The following GRID2 variants were observed in gnomAD, a reference collection of about 807,000 sequenced individuals.
GRID2 encodes glutamate receptor ionotropic, delta-2.
A neutral mutation model predicts 114.8 loss-of-function variants in GRID2; 33 were observed. The ratio of observed to expected loss-of-function variants is 0.29; its 90% confidence interval spans 0.22 to 0.38. The LOEUF (loss-of-function observed/expected upper bound fraction) is 0.38. GRID2 is among the 10% of genes least tolerant of loss of function. GRID2 has a pLI of 1.00. For synonymous variants in GRID2, 505 were observed against 449.9 expected (o/e 1.12, Z -1.55); for missense variants, 1,184 against 1,257.7 (o/e 0.94, Z 0.89).
chr4:92,752,090 A>G (rs889528689), intron 2 of GRID2, among the ~76,000 whole-genome samples: 1 of 152,208 alleles, frequency 6.6e-6, no homozygotes, highest in South Asian at 2.1e-4. Context: ...GCTGTAAACA[A>G]TATTCGTTCT....
Position 92,721,683 on chromosome 4 carries a change from G to A in GRID2, c.244+131397G>A, listed in dbSNP as rs11097348. On this transcript the variant is annotated intron_variant, in intron 2 of 15. Coordinates refer to ENST00000282020, the MANE Select transcript of GRID2 (RefSeq NM_001510.4). ...AATTGAAAATTATAGCATGTCCTCTGTAAGAATACCTTTTTCTGTAAATAT... is the reference window on the plus strand; with the variant it reads ...AATTGAAAATTATAGCATGTCCTCTATAAGAATACCTTTTTCTGTAAATAT... Among the ~76,000 whole-genome samples the A allele has an allele frequency of 7.3e-4, 111 of 152,200 alleles. No homozygotes were observed. The East Asian group carries it at 0.02, about 27-fold the overall frequency.
intron 1 of GRID2, among the ~76,000 whole-genome samples, chr4:93,804,884 A>G (rs80352325): frequency 0.02 from 3,062 of 152,228 alleles, 100 homozygotes; most frequent in East Asian, 0.13. Context: ...ATTAGTCTTC[A>G]TTGTTTAACT....
At chr4:93,446,390 A>G (rs1722093740) in intron 10 of GRID2, among the ~76,000 whole-genome samples, 1 of 152,044 alleles carries the variant, frequency 6.6e-6, no homozygotes, top group Non-Finnish European at 1.5e-5. Flanking sequence ...TGAACAGTAC[A>G]TTGCAAAGGG....
chr4:93,373,802 C>A lies in GRID2; in HGVS notation c.1246-21805C>A, dbSNP rs111413590. ...GAACTGGGAAAATGGTCACTGAAAT[C>A]ATTTTTGTTGTTTCTAGTTCCAATG... On this transcript the variant is annotated intron_variant, in intron 8 of 15. Transcript: ENST00000282020. Among the ~76,000 whole-genome samples, 4 of 152,172 alleles carry A rather than the reference C, an allele frequency of 2.6e-5. 1 individual carries two copies. The highest frequency in any genetic ancestry group is 4.8e-5 in the African/African-American group (2 of 41,440).
chr4:92,958,944 T>C (rs1230757739), intron 2 of GRID2, among the ~76,000 whole-genome samples: 1 of 151,982 alleles, frequency 6.6e-6, no homozygotes, highest in East Asian at 1.9e-4. Flanking sequence ...GGTTATCAAA[T>C]TTGTGGTCAT....
At chr4:93,777,189 A>G (rs1296544502), downstream of GRID2, among the ~76,000 whole-genome samples, 3 of 152,216 alleles carry the variant, frequency 2.0e-5, no homozygotes, top group Admixed American at 6.5e-5. Context: ...ATAGAGCTGC[A>G]CAGAGGCATG....
intron 2 of GRID2, among the ~76,000 whole-genome samples, chr4:92,797,433 A>C (rs1476130664): frequency 6.6e-6 from 1 of 151,960 alleles, no homozygotes; most frequent in Non-Finnish European, 1.5e-5. Flanking sequence ...AAGATTATAC[A>C]TTGTGGTTTA....
intron 5 of GRID2, among the ~76,000 whole-genome samples, chr4:93,213,351 A>G (rs970956481): frequency 2.0e-5 from 3 of 152,164 alleles, no homozygotes; most frequent in African/African-American, 7.2e-5. Flanking sequence ...CAAATAAGAA[A>G]CAAACACCAC....
intron 13 of GRID2, among the ~76,000 whole-genome samples, chr4:93,529,486 A>C (rs116040339): frequency 1.3e-5 from 2 of 152,178 alleles, no homozygotes; most frequent in Non-Finnish European, 2.9e-5. Context: ...TTGTAGATTA[A>C]TAAGCTCTTC....
chr4:92,684,073 G>T (rs568606883), intron 2 of GRID2, among the ~76,000 whole-genome samples: 2 of 151,826 alleles, frequency 1.3e-5, no homozygotes, highest in South Asian at 4.2e-4. Context: ...AATATAAAAG[G>T]TTTAGAAAAT....
chr4:93,120,710 T>G (rs892056509), intron 4 of GRID2, among the ~76,000 whole-genome samples: 1 of 151,990 alleles, frequency 6.6e-6, no homozygotes, highest in Non-Finnish European at 1.5e-5. Flanking sequence ...TCCCAGCACT[T>G]TGGGAGGCTG....
At chr4:92,532,297 TG>T (rs537617457) in intron 1 of GRID2, among the ~76,000 whole-genome samples, 97 of 152,290 alleles carry the variant, frequency 6.4e-4, no homozygotes, top group African/African-American at 2.2e-3. Flanking sequence ...CAATGATACC[TG>T]GCCCTACATG....
chr4:92,792,427 C>T (rs890147722), intron 2 of GRID2, among the ~76,000 whole-genome samples: 1 of 146,848 alleles, frequency 6.8e-6, no homozygotes, highest in African/African-American at 2.5e-5. Flanking sequence ...CCCTGGAAAC[C>T]AGGAAATGAT....
At chr4:92,533,192 G>GGT (rs1553946567) in intron 1 of GRID2, among the ~76,000 whole-genome samples, 2 of 148,168 alleles carry the variant, frequency 1.3e-5, no homozygotes, top group East Asian at 4.0e-4. Context: ...GTGTTTTTTT[G>GGT]TTTTTTTTGT....
At chr4:92,596,084 AGC>A (rs1304911337) in intron 2 of GRID2, among the ~76,000 whole-genome samples, 1 of 152,138 alleles carries the variant, frequency 6.6e-6, no homozygotes, top group African/African-American at 2.4e-5. Context: ...GTACCCCAAC[AGC>A]CTGTGTTTCC....
chr4:93,574,112 G>T (rs1295794975), intron 13 of GRID2, among the ~76,000 whole-genome samples: 1 of 152,034 alleles, frequency 6.6e-6, no homozygotes, highest in East Asian at 1.9e-4. Flanking sequence ...ATAAAGGTTT[G>T]GGATTGTGAC....
chr4:93,242,818 A>G (rs1331429136), intron 8 of GRID2, among the ~76,000 whole-genome samples: 1 of 152,024 alleles, frequency 6.6e-6, no homozygotes, highest in Non-Finnish European at 1.5e-5. Context: ...TTCTAAAACC[A>G]GTGTCATTTA....
chr4:92,459,029 AT>A (rs1363968741), intron 1 of GRID2, among the ~76,000 whole-genome samples: 2 of 152,240 alleles, frequency 1.3e-5, no homozygotes, highest in East Asian at 3.9e-4. Context: ...CAGTATCATT[AT>A]TTTTTAAGCA....
intron 2 of GRID2, among the ~76,000 whole-genome samples, chr4:92,973,428 T>G (rs915732411): frequency 3.3e-5 from 5 of 152,192 alleles, no homozygotes; most frequent in Non-Finnish European, 7.3e-5. Flanking sequence ...CATAGTATGC[T>G]CTTTGTTTTA....
Sources: allele counts gnomAD v4.1 joint callset (sites outside exome capture counted in the v4.1 genomes callset), GRCh38; gene constraint gnomAD v4.1.1; transcripts MANE v1.5; gene names NCBI Gene and HGNC (gene_info 2026-07-23, HGNC 2026-07-21).